Variants in UBE2H observed in about 807,000 individuals in gnomAD.
UBE2H encodes ubiquitin conjugating enzyme E2 H.
Under a neutral mutation model 29.0 loss-of-function variants are expected in UBE2H, and 3 were observed. That is an observed-to-expected ratio of 0.10 (90% CI 0.05 to 0.27). UBE2H has a LOEUF of 0.27. UBE2H is among the 10% of genes least tolerant of loss of function. The pLI is 1.00. For synonymous variants in UBE2H, 69 were observed against 82.9 expected (o/e 0.83, Z 0.91); for missense variants, 68 against 228.2 (o/e 0.30, Z 4.52).
chr7:129,909,978 G>C (rs139092301), intron 1 of UBE2H, among the ~76,000 whole-genome samples: 149 of 152,166 alleles, frequency 9.8e-4, no homozygotes, highest in African/African-American at 3.5e-3. Context: ...AAATATAGAG[G>C]GGGGGTGATT....
At chr7:129,842,139 T>G (rs1172686860) in intron 5 of UBE2H, among the ~76,000 whole-genome samples, 1 of 152,250 alleles carries the variant, frequency 6.6e-6, no homozygotes. Context: ...ACATTTCTTT[T>G]GCCTTTAAAA....
At chr7:129,885,275 C>T (rs766597770) in intron 1 of UBE2H, among the ~76,000 whole-genome samples, 5 of 152,070 alleles carry the variant, frequency 3.3e-5, no homozygotes, top group East Asian at 3.9e-4. Flanking sequence ...GAAGATTAAA[C>T]GAGTTTAACA....
intron 5 of UBE2H, among the ~76,000 whole-genome samples, chr7:129,849,852 G>T (rs913440095): frequency 1.2e-4 from 18 of 152,150 alleles, no homozygotes; most frequent in African/African-American, 3.9e-4. Context: ...TTGACTGAGA[G>T]GGTCTCATGT....
chr7:129,881,903 G>A (rs548615931), intron 1 of UBE2H, among the ~76,000 whole-genome samples: 2 of 152,200 alleles, frequency 1.3e-5, no homozygotes, highest in Admixed American at 6.5e-5. Flanking sequence ...CACAGTTAAT[G>A]ATACAACCTT....
Position 129,952,737 on chromosome 7 carries a change from C to A in UBE2H, c.-182G>T. 1 of 576,836 alleles carries A rather than the reference C, an allele frequency of 1.7e-6. No homozygotes were observed. The allele number at this position is 576,836 out of a possible 1,614,324, so 35.7% of individuals were successfully genotyped here. On this transcript the variant is annotated 5_prime_UTR_variant, in exon 1 of 7. Coordinates refer to ENST00000355621, the MANE Select transcript of UBE2H (RefSeq NM_003344.4). ...GGGGGAACACCGGGCACTGTCCGGC[C>A]GGGTGGGGGTGGGGACCCTGCGGCG... is the stretch of plus-strand genomic sequence containing the variant.
chr7:129,871,958 T>C (rs1806044573), intron 3 of UBE2H, among the ~76,000 whole-genome samples: 3 of 152,062 alleles, frequency 2.0e-5, no homozygotes, highest in African/African-American at 4.8e-5. Context: ...GTAATTCTCC[T>C]TCCTCCGTCT....
chr7:129,896,063 C>T (rs1046370808), intron 1 of UBE2H, among the ~76,000 whole-genome samples: 2 of 151,970 alleles, frequency 1.3e-5, no homozygotes, highest in East Asian at 1.9e-4. Flanking sequence ...CTTGGCTGGG[C>T]GTCGTGGCTC....
intron 1 of UBE2H, among the ~76,000 whole-genome samples, chr7:129,889,135 G>C (rs993289263): frequency 6.6e-6 from 1 of 152,340 alleles, no homozygotes; most frequent in East Asian, 1.9e-4. Flanking sequence ...GGAGGGCTCC[G>C]AAGTGTGGAT....
intron 1 of UBE2H, among the ~76,000 whole-genome samples, chr7:129,918,642 T>C (rs962336160): frequency 6.6e-6 from 1 of 152,194 alleles, no homozygotes; most frequent in Non-Finnish European, 1.5e-5. Context: ...TACCTATTCA[T>C]ATTTGACAAT....
At position 129,895,351 on chromosome 7, in the gene UBE2H, G is replaced by T. The variant is rs535109496; in HGVS notation, c.54-14380C>A. Among the ~76,000 whole-genome samples, 6 of 152,270 alleles carry T rather than the reference G, an allele frequency of 3.9e-5. No individual in the cohort carries two copies. In the South Asian group the frequency reaches 1.2e-3, roughly 32 times the overall value. ...ACCATTGCGCACATGAGAAAAACAT[G>T]CAGGAAGAACCTTGTCATTCCAAAG... On this transcript the variant is annotated intron_variant, in intron 1 of 6. Transcript: ENST00000355621.
chr7:129,850,205 T>C (rs1199449749), intron 5 of UBE2H, among the ~76,000 whole-genome samples: 1 of 151,782 alleles, frequency 6.6e-6, no homozygotes, highest in East Asian at 1.9e-4. Flanking sequence ...CCATCTCTAG[T>C]ATAAATAAAA....
At chr7:129,878,015 G>T (rs955779851) in intron 3 of UBE2H, among the ~76,000 whole-genome samples, 2 of 152,156 alleles carry the variant, frequency 1.3e-5, no homozygotes, top group African/African-American at 4.8e-5. Context: ...AACTTGCATG[G>T]ACTTCTATAA....
At chr7:129,907,744 A>G (rs1806850048) in intron 1 of UBE2H, among the ~76,000 whole-genome samples, 1 of 152,234 alleles carries the variant, frequency 6.6e-6, no homozygotes, top group African/African-American at 2.4e-5. Flanking sequence ...TCAAATGTAT[A>G]CACTTAAAAT....
chr7:129,850,771 C>T (rs925524891), intron 5 of UBE2H, among the ~76,000 whole-genome samples: 3 of 150,568 alleles, frequency 2.0e-5, no homozygotes, highest in African/African-American at 4.9e-5. Flanking sequence ...GCCGAGATTG[C>T]GCCACTGCAC....
chr7:129,860,891 T>C (rs1037390971), intron 3 of UBE2H, among the ~76,000 whole-genome samples: 1 of 152,040 alleles, frequency 6.6e-6, no homozygotes, highest in Non-Finnish European at 1.5e-5. Flanking sequence ...AGGGTCATGA[T>C]AGGAAAAGGG....
intron 5 of UBE2H, among the ~76,000 whole-genome samples, chr7:129,852,453 C>T (rs528645111): frequency 2.7e-4 from 40 of 148,394 alleles, no homozygotes; most frequent in Admixed American, 1.4e-3. Flanking sequence ...GGCGACAGAG[C>T]GAGACTCCGT....
intron 3 of UBE2H, among the ~76,000 whole-genome samples, chr7:129,864,322 G>A (rs1174179940): frequency 6.6e-6 from 1 of 152,200 alleles, no homozygotes; most frequent in South Asian, 2.1e-4. Flanking sequence ...AGTTGGCCCT[G>A]GCATGTTCTC....
chr7:129,842,185 C>G lies in UBE2H; in HGVS notation c.299-2850G>C, dbSNP rs6952373. On this transcript the variant is annotated intron_variant, in intron 5 of 6. Coordinates refer to ENST00000355621, the MANE Select transcript of UBE2H (RefSeq NM_003344.4). ...TTGGCTCACACCTGTAATCCCAGCA[C>G]TTTGGTAGGCCAAGGTGGGTGGATC... Among the ~76,000 whole-genome samples, 680 of 151,448 alleles carry G rather than the reference C, an allele frequency of 4.5e-3. 5 individuals are homozygous for G. Among genetic ancestry groups the G allele is most frequent in the African/African-American group, 0.015 (607 of 41,254 alleles).
At chr7:129,865,806 GT>G (rs1172798164) in intron 3 of UBE2H, among the ~76,000 whole-genome samples, 3 of 152,160 alleles carry the variant, frequency 2.0e-5, no homozygotes, top group Non-Finnish European at 2.9e-5. Flanking sequence ...AGGTATAATT[GT>G]TTAAAATATT....
Sources: allele counts gnomAD v4.1 joint callset (sites outside exome capture counted in the v4.1 genomes callset), GRCh38; gene constraint gnomAD v4.1.1; transcripts MANE v1.5; gene names NCBI Gene and HGNC (gene_info 2026-07-23, HGNC 2026-07-21).